Variants in NEMF observed in about 807,000 individuals in gnomAD.
The protein encoded by NEMF is ribosome quality control complex subunit NEMF.
NEMF carries 89 observed loss-of-function variants against 162.2 expected under a neutral mutation model. The ratio of observed to expected loss-of-function variants is 0.55; its 90% confidence interval spans 0.46 to 0.65. NEMF has a LOEUF of 0.65. Among genes scored for constraint, NEMF ranks in the 30% least tolerant of loss-of-function variants. The probability of loss-of-function intolerance (pLI) is 0.00; values close to 1 mark genes in which losing one functional copy is unlikely to be tolerated. For missense variants in NEMF, 1,133 were observed against 1,261.9 expected, an observed-to-expected ratio of 0.90 and a Z score of 1.55; for synonymous variants, 421 against 404.5, an observed-to-expected ratio of 1.04 and a Z score of -0.49.
In NEMF at chr14:49,799,653, C is replaced by G. The variant is rs768575692; in HGVS notation, c.2398G>C (p.Glu800Gln). The G allele has an allele frequency of 2.2e-5, 35 of 1,612,228 alleles. No homozygotes were observed. The highest frequency in any genetic ancestry group is 2.7e-5 in the Non-Finnish European group (32 of 1,179,414). ...QRSIQKLASK[E>Q]ESSNSSDSKS... The stretch of plus-strand genomic sequence containing the variant: ...TAGCTTACAGAATTAGAAGATTCCT[C>G]TTTTGAAGCCAATTTCTGGATGGAC... The change falls in exon 24 of 33, where the codon GAG (glutamate) becomes CAG (glutamine). Residue 800 changes from glutamate (E) to glutamine (Q), a missense_variant. Glu to Gln is a conservative substitution (Grantham distance 29, BLOSUM62 2). Transcript: ENST00000298310.
At chr14:49,806,232 GTATATATA>G (rs67644205) in intron 18 of NEMF, 99 bp from the exon 19 acceptor site, 4 of 36,262 alleles carry the variant, frequency 1.1e-4, no homozygotes, top group African/African-American at 4.3e-4. Context: ...AATGATATGT[GTATATATA>G]TATATATATA....
chr14:49,783,920 C>A lies in NEMF; in HGVS notation c.*716G>T, dbSNP rs1890035470. The A allele has an allele frequency of 6.6e-6, 1 of 152,084 alleles. No homozygotes were observed. The highest frequency in any genetic ancestry group is 1.5e-5 in the Non-Finnish European group (1 of 67,988). 9.4% of individuals were successfully genotyped at this position (152,084 alleles called of 1,614,324 possible). ...ACTCCAATACTTAGTTTTCAAGACA[C>A]AATCCTAAATATTTAAACCCCTTGT... is the stretch of plus-strand genomic sequence containing the variant. On this transcript the variant is annotated 3_prime_UTR_variant, in exon 33 of 33. Coordinates refer to ENST00000298310, the MANE Select transcript of NEMF (RefSeq NM_004713.6).
chr14:49,832,203 T>A lies in NEMF; in HGVS notation c.806+4A>T. The stretch of plus-strand genomic sequence containing the variant: ...AGCAAATTGACCCATGCCTATATGC[T>A]TACGTCAGTATGTCTTCAACTGGTT... On this transcript the variant is annotated splice_donor_region_variant and intron_variant, in intron 9 of 32. Coordinates refer to ENST00000298310, the MANE Select transcript of NEMF (RefSeq NM_004713.6). 1 of 1,608,792 alleles carries A rather than the reference T, an allele frequency of 6.2e-7. No homozygotes were observed. The highest frequency in any genetic ancestry group is 8.5e-7 in the Non-Finnish European group (1 of 1,176,152).
intron 3 of NEMF, 137 bp downstream of exon 3, chr14:49,851,426 A>G: frequency 3.2e-6 from 2 of 622,458 alleles, no homozygotes; most frequent in East Asian, 2.7e-5. Flanking sequence ...ACTTTATTCA[A>G]CCCATTATCT....
intron 15 of NEMF, 43 bp from the exon 16 acceptor site, chr14:49,825,998 T>C (rs999223572): frequency 5.8e-6 from 8 of 1,369,398 alleles, no homozygotes; most frequent in Non-Finnish European, 8.2e-6. Context: ...GTTAAGAATG[T>C]ATTTAAATAA....
chr14:49,810,496 A>G (rs2139890977), intron 18 of NEMF, among the ~76,000 whole-genome samples: 1 of 152,326 alleles, frequency 6.6e-6, no homozygotes, highest in Admixed American at 6.5e-5. Context: ...TCTCGATTCT[A>G]TCCCTTGATC....
intron 28 of NEMF, among the ~76,000 whole-genome samples, chr14:49,788,688 G>A (rs992973833): frequency 1.1e-4 from 16 of 151,730 alleles, no homozygotes; most frequent in African/African-American, 3.9e-4. Flanking sequence ...CCAAGTAGCT[G>A]AGACTACAGG....
chr14:49,813,573 A>G (rs1464543423), intron 18 of NEMF, among the ~76,000 whole-genome samples: 1 of 152,144 alleles, frequency 6.6e-6, no homozygotes, highest in African/African-American at 2.4e-5. Context: ...TATGCATTCT[A>G]GGGCTCTGTT....
intron 22 of NEMF, 79 bp from the exon 23 acceptor site, chr14:49,800,775 T>TG (rs1890917137): frequency 1.5e-6 from 2 of 1,308,554 alleles, no homozygotes; most frequent in East Asian, 2.3e-5. Context: ...CATAAAAATA[T>TG]TCCACTGTTT....
chr14:49,802,351 A>T (rs1329087142), intron 22 of NEMF, 102 bp downstream of exon 22: 1 of 1,344,728 alleles, frequency 7.4e-7, no homozygotes, highest in African/African-American at 1.5e-5. Flanking sequence ...GGTTTTTTTG[A>T]AATTTAGATT....
rs538521354 is a variant in NEMF, at chr14:49,788,882, C to G, written c.2895+264G>C. Among the ~76,000 whole-genome samples the G allele has an allele frequency of 3.3e-4, 50 of 152,118 alleles. 1 individual carries two copies. Among genetic ancestry groups the G allele is most frequent in the African/African-American group, 1.2e-3 (50 of 41,504 alleles). On this transcript the variant is annotated intron_variant, in intron 28 of 32. Coordinates refer to ENST00000298310, the MANE Select transcript of NEMF (RefSeq NM_004713.6). Reference sequence around the variant, plus strand: ...TCTCTGTCTTAATTTAATTCAGTTCCCATCAGAATCAAAGCCTCTCCTTAA... The same window carrying G: ...TCTCTGTCTTAATTTAATTCAGTTCGCATCAGAATCAAAGCCTCTCCTTAA...
chr14:49,831,916 G>A (rs976315101), intron 10 of NEMF, 135 bp downstream of exon 10: 15 of 604,212 alleles, frequency 2.5e-5, no homozygotes, highest in Admixed American at 7.1e-5. Flanking sequence ...TATCTGTGAC[G>A]ACACTGATCT....
At chr14:49,813,464 G>A (rs1000584951) in intron 18 of NEMF, among the ~76,000 whole-genome samples, 4 of 152,076 alleles carry the variant, frequency 2.6e-5, no homozygotes, top group African/African-American at 9.7e-5. Flanking sequence ...CTGATTCTGT[G>A]TCCAGTTATT....
intron 4 of NEMF, among the ~76,000 whole-genome samples, chr14:49,842,684 T>G (rs112055590): frequency 4.6e-5 from 7 of 152,230 alleles, no homozygotes; most frequent in Admixed American, 2.0e-4. Flanking sequence ...GTTAGAGAGA[T>G]AGATAACCAG....
At chr14:49,823,837 A>G (rs977096790) in intron 16 of NEMF, among the ~76,000 whole-genome samples, 5 of 152,234 alleles carry the variant, frequency 3.3e-5, no homozygotes, top group African/African-American at 1.2e-4. Flanking sequence ...AGAAATATCT[A>G]CAAGCTTGTA....
chr14:49,810,315 C>T (rs950869450), intron 18 of NEMF, among the ~76,000 whole-genome samples: 10 of 151,092 alleles, frequency 6.6e-5, no homozygotes, highest in African/African-American at 1.5e-4. Context: ...TTGCATGAGC[C>T]GAGATCACAC....
At chr14:49,817,211 C>T (rs1265829950) in intron 16 of NEMF, among the ~76,000 whole-genome samples, 2 of 152,016 alleles carry the variant, frequency 1.3e-5, no homozygotes, top group Admixed American at 6.6e-5. Context: ...GGGAGGCCAA[C>T]GCAGGCATAT....
In NEMF at chr14:49,789,484, G is replaced by T. The variant is rs537754801; in HGVS notation, c.2697+12C>A. The T allele has an allele frequency of 1.4e-4, 233 of 1,611,448 alleles. 1 individual carries two copies. In the South Asian group the frequency reaches 2.5e-3, roughly 17 times the overall value. ...AAAAGCAAAAGAAAAAATGTTTTTA[G>T]ATGTTATTTACCCCCAGCAACTTCA... On this transcript the variant is annotated intron_variant, in intron 27 of 32. Coordinates refer to ENST00000298310, the MANE Select transcript of NEMF (RefSeq NM_004713.6).
At chr14:49,815,358 A>G (rs1222461142) in intron 16 of NEMF, among the ~76,000 whole-genome samples, 1 of 152,240 alleles carries the variant, frequency 6.6e-6, no homozygotes, top group African/African-American at 2.4e-5. Context: ...TTCTCAAAAG[A>G]CAAAATAACT....
Sources: gnomAD v4.1 joint callset for allele counts (sites outside exome capture counted in the v4.1 genomes callset) on GRCh38, gnomAD v4.1.1 for gene constraint, MANE v1.5 for transcripts, NCBI Gene and HGNC (gene_info 2026-07-23, HGNC 2026-07-21) for gene names.